The following PAK4 variants were observed in gnomAD, a reference collection of about 807,000 sequenced individuals.
The protein encoded by PAK4 is p21 (RAC1) activated kinase 4.
In PAK4, 49 loss-of-function variants were observed where a neutral mutation model predicts 53.5. That is an observed-to-expected ratio of 0.92 (90% CI 0.73 to 1.16). The LOEUF (loss-of-function observed/expected upper bound fraction) is 1.16. Among genes scored for constraint, PAK4 ranks in the 50% most tolerant of loss-of-function variants. The pLI, the probability that PAK4 is intolerant of heterozygous loss-of-function variation, is 0.00. For missense variants in PAK4, 824 were observed against 850.7 expected (o/e 0.97, Z 0.39); for synonymous variants, 376 against 375.6 (o/e 1.00, Z -0.01).
chr19:39,141,760 C>T (rs931510377), intron 1 of PAK4, among the ~76,000 whole-genome samples: 25 of 152,200 alleles, frequency 1.6e-4, no homozygotes, highest in African/African-American at 5.1e-4. Flanking sequence ...CTCAGCCTCC[C>T]GAGTAGCTGG....
At chr19:39,133,083 C>G (rs547473535) in intron 1 of PAK4, among the ~76,000 whole-genome samples, 9 of 152,332 alleles carry the variant, frequency 5.9e-5, no homozygotes, top group East Asian at 1.9e-4. Context: ...CCTAACCCAT[C>G]TGACACAGAA....
At chr19:39,150,859 C>T (rs1313813309) in intron 1 of PAK4, among the ~76,000 whole-genome samples, 2 of 152,262 alleles carry the variant, frequency 1.3e-5, no homozygotes, top group African/African-American at 2.4e-5. Context: ...GCCCACCCAT[C>T]CCTCCAGCCA....
Position 39,175,202 on chromosome 19 carries a change from A to C in PAK4, c.1233-110A>C. 6.8e-7 allele frequency: 1 copy of C among 1,461,858 alleles called. No homozygotes were observed. Among genetic ancestry groups the C allele is most frequent in the African/African-American group, 1.4e-5 (1 of 71,762 alleles). The allele number at this position is 1,461,858 out of a possible 1,614,324, so 90.6% of individuals were successfully genotyped here. A position where few individuals can be genotyped will look rare whatever the true frequency, so the allele number is the denominator to read the frequency against. On this transcript the variant is annotated intron_variant, in intron 5 of 8. Coordinates refer to ENST00000358301, the Ensembl canonical transcript of PAK4. This position sits in a 1 kb window ranked among gnomAD's most constrained non-coding sequence, Gnocchi z 4.7. ...GTGTCTTCCATTCCTCCCACTCCAGAGTGGGGTCGAGTGGTCTCAGATTCC... is the reference window on the plus strand; with the variant it reads ...GTGTCTTCCATTCCTCCCACTCCAGCGTGGGGTCGAGTGGTCTCAGATTCC...
rs2074544755 is a variant in PAK4, at chr19:39,173,874, TG to T, written c.964del (p.Asp322ThrfsTer47). ...GACCCAGGCGACCCCCGCTCCTACC[TG>T]GACAACTTCATCAAGATTGGCGAGG... On this transcript the variant is annotated frameshift_variant, in exon 4 of 9. Coordinates refer to ENST00000358301, the Ensembl canonical transcript of PAK4. LOFTEE classifies it high-confidence loss of function. The surrounding 1 kb of genome is among the most constrained non-coding windows in gnomAD (Gnocchi z 6.9). 6.2e-7 allele frequency: 1 copy of T among 1,612,616 alleles called. No homozygotes were observed. The highest frequency in any genetic ancestry group is 8.5e-7 in the Non-Finnish European group (1 of 1,179,832).
intron 2 of PAK4, among the ~76,000 whole-genome samples, chr19:39,170,427 C>T (rs751970523): frequency 5.5e-4 from 84 of 152,246 alleles, no homozygotes; most frequent in Admixed American, 1.1e-3. Context: ...TGTCTGTTTC[C>T]AAGGCCCGTG....
At chr19:39,148,547 T>C (rs1279827104) in intron 1 of PAK4, among the ~76,000 whole-genome samples, 3 of 132,756 alleles carry the variant, frequency 2.3e-5, no homozygotes, top group Non-Finnish European at 4.7e-5. Flanking sequence ...CTCTGCCTCC[T>C]GGGTTCAAGT....
chr19:39,182,169 C>G (rs1310772056), downstream of PAK4: 1 of 152,192 alleles, frequency 6.6e-6, no homozygotes, highest in African/African-American at 2.4e-5. Flanking sequence ...TTTTTCCTTC[C>G]TCCTGGGACA....
At position 39,147,543 on chromosome 19, in the gene PAK4, G is replaced by A. The variant is rs547241564; in HGVS notation, c.-23+21624G>A. ...AGGTACAATTGCTGGGCAGCGTGCT[G>A]GTTGCATGTTTTAAGAAAACCATCA... On this transcript the variant is annotated intron_variant, in intron 1 of 8. Transcript: ENST00000358301. Among the ~76,000 whole-genome samples, 6 of 152,310 alleles carry A rather than the reference G, an allele frequency of 3.9e-5. No individual in the cohort carries two copies. The South Asian group carries it at 1.2e-3, about 32-fold the overall frequency.
intron 1 of PAK4, among the ~76,000 whole-genome samples, chr19:39,145,790 C>T (rs974844952): frequency 7.2e-5 from 11 of 152,134 alleles, no homozygotes; most frequent in Non-Finnish European, 1.5e-4. Context: ...CCTCCCCCTG[C>T]GCCCGCCCAC....
At chr19:39,176,152 A>C (rs1476494753) in intron 6 of PAK4, among the ~76,000 whole-genome samples, 1 of 152,226 alleles carries the variant, frequency 6.6e-6, no homozygotes, top group Non-Finnish European at 1.5e-5. Context: ...AAGGTGTGAG[A>C]GGCCTGGTTG....
intron 2 of PAK4, 31 bp from the exon 4 acceptor site, chr19:39,172,887 G>A: frequency 1.3e-6 from 2 of 1,498,232 alleles, no homozygotes; most frequent in Non-Finnish European, 1.8e-6. Context: ...CTCCTTGCTG[G>A]GCCCCCACCC....
intron 1 of PAK4, among the ~76,000 whole-genome samples, chr19:39,127,713 C>T (rs1435671403): frequency 6.6e-6 from 1 of 152,150 alleles, no homozygotes; most frequent in Non-Finnish European, 1.5e-5. Context: ...AAGCCAGTGA[C>T]ACAAGACTGC....
chr19:39,150,466 TCTCTCCA>T (rs1194728385), intron 1 of PAK4, among the ~76,000 whole-genome samples: 1 of 152,140 alleles, frequency 6.6e-6, no homozygotes, highest in Non-Finnish European at 1.5e-5. Context: ...TCTGTCCCCC[TCTCTCCA>T]CTGCCACTGT....
intron 1 of PAK4, among the ~76,000 whole-genome samples, chr19:39,132,098 A>G (rs2073723460): frequency 6.6e-6 from 1 of 152,162 alleles, no homozygotes; most frequent in Admixed American, 6.5e-5. Context: ...TCCCAGCTCC[A>G]CGTGCCAGGC....
At chr19:39,158,147 G>GTGTGTGCACA (rs1491444989) in intron 1 of PAK4, among the ~76,000 whole-genome samples, 5 of 145,228 alleles carry the variant, frequency 3.4e-5, no homozygotes, top group Admixed American at 6.7e-5. Context: ...GTGAGCGTGC[G>GTGTGTGCACA]TGTGTGCACA....
chr19:39,157,306 G>A (rs553890237), intron 1 of PAK4, among the ~76,000 whole-genome samples: 162 of 152,194 alleles, frequency 1.1e-3, no homozygotes, highest in Non-Finnish European at 1.9e-3. Flanking sequence ...GCTTTCCCTC[G>A]AAGTCATGGA....
At chr19:39,174,087 C>G in intron 4 of PAK4, 77 bp downstream of exon 5, 2 of 911,252 alleles carry the variant, frequency 2.2e-6, no homozygotes, top group Non-Finnish European at 3.3e-6. Context: ...CCTCCCTCCT[C>G]TCCCTGCACT....
intron 1 of PAK4, among the ~76,000 whole-genome samples, chr19:39,159,084 A>G (rs1029901689): frequency 2.2e-4 from 33 of 151,872 alleles, no homozygotes; most frequent in Non-Finnish European, 4.3e-4. Flanking sequence ...GACTATCACT[A>G]CCCCCAGTTT....
intron 1 of PAK4, among the ~76,000 whole-genome samples, chr19:39,163,833 G>C (rs1376584740): frequency 6.6e-6 from 1 of 152,148 alleles, no homozygotes; most frequent in Non-Finnish European, 1.5e-5. Context: ...CTTGTCCAAG[G>C]CCTCTGAGCA....
Sources: allele counts gnomAD v4.1 joint callset (sites outside exome capture counted in the v4.1 genomes callset), GRCh38; gene constraint gnomAD v4.1.1; non-coding constraint Gnocchi (gnomAD v3.1); transcripts MANE v1.5; gene names NCBI Gene and HGNC (gene_info 2026-07-23, HGNC 2026-07-21).